RPS6KB1: variants seen among roughly 807,000 people sequenced by gnomAD.
RPS6KB1 encodes the protein ribosomal protein S6 kinase beta-1.
A neutral mutation model predicts 70.2 loss-of-function variants in RPS6KB1; 12 were observed. The observed-to-expected ratio is 0.17, with a 90% confidence interval of 0.11 to 0.28. The LOEUF is 0.28. Among genes scored for constraint, RPS6KB1 ranks in the 10% least tolerant of loss-of-function variants. RPS6KB1 has a pLI of 1.00. For synonymous variants in RPS6KB1, 175 were observed against 211.2 expected (o/e 0.83, Z 1.49); for missense variants, 270 against 646.6 (o/e 0.42, Z 6.32).
chr17:59,936,524 C>A lies in RPS6KB1; in HGVS notation c.1102C>A (p.Pro368Thr). Residue 368 changes from proline to threonine, a missense_variant, in exon 12 of 15, where the codon CCC (proline) becomes ACC (threonine). Around this residue, in one of 4 missense-constraint regions of RPS6KB1, gnomAD observed 133 missense variants for 314.7 expected, o/e 0.42. Transcript: ENST00000225577. ...EELLARKVEP[P>T]FKPLLQSEED... ...ACTTCTGGCTCGAAAGGTGGAGCCC[C>A]CCTTTAAACCTCTGTTGGTAAGTAT... 1 of 1,613,012 alleles carries A rather than the reference C, an allele frequency of 6.2e-7. No individual in the cohort carries two copies. The highest frequency in any genetic ancestry group is 8.5e-7 in the Non-Finnish European group (1 of 1,179,034).
intron 3 of RPS6KB1, among the ~76,000 whole-genome samples, chr17:59,913,490 T>A (rs894678285): frequency 6.6e-6 from 1 of 152,246 alleles, no homozygotes; most frequent in Non-Finnish European, 1.5e-5. Flanking sequence ...TCATCCTGAA[T>A]GTGCAACACA....
At chr17:59,929,816 A>G (rs1254487928) in intron 5 of RPS6KB1, among the ~76,000 whole-genome samples, 1 of 152,172 alleles carries the variant, frequency 6.6e-6, no homozygotes, top group Non-Finnish European at 1.5e-5. Flanking sequence ...ATCAATATAT[A>G]TATTTTTTAA....
In RPS6KB1 at chr17:59,948,023, T is replaced by C. The variant is rs1219180127; in HGVS notation, c.*1235T>C. Reference sequence around the variant, plus strand: ...CTACATTTTTTGATTGTAAAAATATTTGATGGCCTTTTGATGAATGTCTTC... The same window carrying C: ...CTACATTTTTTGATTGTAAAAATATCTGATGGCCTTTTGATGAATGTCTTC... On this transcript the variant is annotated 3_prime_UTR_variant, in exon 15 of 15. Coordinates refer to ENST00000225577, the MANE Select transcript of RPS6KB1 (RefSeq NM_003161.4). 6.3e-6 allele frequency: 1 copy of C among 158,570 alleles called. No homozygotes were observed. The highest frequency in any genetic ancestry group is 6.5e-5 in the Admixed American group (1 of 15,410). The allele number at this position is 158,570 out of a possible 1,614,324, so 9.8% of individuals were successfully genotyped here. A position where few individuals can be genotyped will look rare whatever the true frequency, so the allele number is the denominator to read the frequency against.
At chr17:59,944,335 T>A (rs1230866593) in intron 13 of RPS6KB1, among the ~76,000 whole-genome samples, 1 of 152,158 alleles carries the variant, frequency 6.6e-6, no homozygotes, top group African/African-American at 2.4e-5. Flanking sequence ...AATAGTAAGA[T>A]CCAAGAGAGA....
Position 59,897,900 on chromosome 17 carries a change from G to A in RPS6KB1, c.141+4575G>A, listed in dbSNP as rs568700561. On this transcript the variant is annotated intron_variant, in intron 1 of 14. Transcript: ENST00000225577. The stretch of plus-strand genomic sequence containing the variant: ...GAATCTCTTGAACCTGGGAGGTGGA[G>A]GTTGCAGTGAGCCAAGATCATACCA... Among the ~76,000 whole-genome samples, 9 of 151,650 alleles carry A rather than the reference G, an allele frequency of 5.9e-5. No individual in the cohort carries two copies. The South Asian group carries it at 1.0e-3, about 18-fold the overall frequency.
In RPS6KB1 at chr17:59,893,419, A is replaced by AG; in HGVS notation, c.141+100dup. Reference sequence around the variant, plus strand: ...GGTGTGTCCTAGAGCGTGGAGACCCAGGGGGGCTCCTGAGGAGCTGAGGGT... The same window carrying AG: ...GGTGTGTCCTAGAGCGTGGAGACCCAGGGGGGGCTCCTGAGGAGCTGAGGGT... On this transcript the variant is annotated intron_variant, in intron 1 of 14. Transcript: ENST00000225577. The surrounding 1 kb of genome is among the most constrained non-coding windows in gnomAD (Gnocchi z 4.1). 1.5e-6 allele frequency: 2 copies of AG among 1,300,418 alleles called. No homozygotes were observed. The highest frequency in any genetic ancestry group is 2.3e-5 in the Admixed American group (1 of 43,228). The allele number at this position is 1,300,418 out of a possible 1,614,324, so 80.6% of individuals were successfully genotyped here.
Position 59,893,132 on chromosome 17 carries a change from A to T in RPS6KB1, c.-53A>T. On this transcript the variant is annotated 5_prime_UTR_variant, in exon 1 of 15. Coordinates refer to ENST00000225577, the MANE Select transcript of RPS6KB1 (RefSeq NM_003161.4). The surrounding 1 kb of genome is among the most constrained non-coding windows in gnomAD (Gnocchi z 4.1). ...GCCTAGGCGCAGACGCACTGAGCCT[A>T]AGCAGCCGGTGATGGCGGCAGCGGC... is the stretch of plus-strand genomic sequence containing the variant. 6.3e-7 allele frequency: 1 copy of T among 1,588,618 alleles called. No homozygotes were observed. Among genetic ancestry groups the T allele is most frequent in the Non-Finnish European group, 8.6e-7 (1 of 1,168,118 alleles).
chr17:59,916,766 C>T (rs550495934), intron 4 of RPS6KB1, among the ~76,000 whole-genome samples: 203 of 152,190 alleles, frequency 1.3e-3, no homozygotes, highest in African/African-American at 4.6e-3. Context: ...TTCATTTTTT[C>T]CCTTTTTCTT....
rs1333528061 is a variant in RPS6KB1 at position 59,902,067 on chromosome 17, T to C, written c.142-8495T>C. Among the ~76,000 whole-genome samples the C allele has an allele frequency of 2.7e-5, 4 of 148,036 alleles. No homozygotes were observed. In the South Asian group the frequency reaches 8.5e-4, roughly 32 times the overall value. On this transcript the variant is annotated intron_variant, in intron 1 of 14. Transcript: ENST00000225577. ...GACATTCCATATAAATGGAATCATA[T>C]AGTGTATGACCTTTTATATTTGGTG...
rs1278779632 is a variant in RPS6KB1 at position 59,946,637 on chromosome 17, T to C, written c.1427T>C (p.Met476Thr). Reference protein sequence around the residue: ...ANPQTPVEYPMETSGIEQMDV... With the variant: ...ANPQTPVEYPTETSGIEQMDV... ...CCTCAGACACCTGTGGAATACCCAATGGAAACAAGTGGCATAGAGCAGATG... is the reference window on the plus strand; with the variant it reads ...CCTCAGACACCTGTGGAATACCCAACGGAAACAAGTGGCATAGAGCAGATG... The change falls in exon 15 of 15, where the codon ATG becomes ACG. Residue 476 changes from methionine to threonine, a missense_variant. Met to Thr is a moderately conservative substitution (Grantham distance 81). Transcript: ENST00000225577. The surrounding 1 kb of genome is among the most constrained non-coding windows in gnomAD (Gnocchi z 4.2). The C allele has an allele frequency of 6.2e-7, 1 of 1,613,840 alleles. No individual in the cohort carries two copies. Among genetic ancestry groups the C allele is most frequent in the Non-Finnish European group, 8.5e-7 (1 of 1,179,972 alleles).
chr17:59,914,807 C>A, intron 4 of RPS6KB1, 104 bp downstream of exon 4: 2 of 954,562 alleles, frequency 2.1e-6, no homozygotes, highest in Non-Finnish European at 3.2e-6. Context: ...ATTGTTGTAA[C>A]ATTTTGGCCT....
intron 5 of RPS6KB1, among the ~76,000 whole-genome samples, chr17:59,926,994 A>G (rs930326516): frequency 3.3e-5 from 5 of 152,146 alleles, no homozygotes; most frequent in African/African-American, 1.2e-4. Context: ...TGGGGTATGT[A>G]GCTTATAATG....
In RPS6KB1 at chr17:59,893,736, T is replaced by C; in HGVS notation, c.141+411T>C. The C allele has an allele frequency of 1.0e-6, 1 of 985,986 alleles. No homozygotes were observed. The highest frequency in any genetic ancestry group is 1.2e-6 in the Non-Finnish European group (1 of 826,110). The allele number at this position is 985,986 out of a possible 1,614,324, so 61.1% of individuals were successfully genotyped here. On this transcript the variant is annotated intron_variant, in intron 1 of 14. Coordinates refer to ENST00000225577, the MANE Select transcript of RPS6KB1 (RefSeq NM_003161.4). This position sits in a 1 kb window ranked among gnomAD's most constrained non-coding sequence, Gnocchi z 4.1. ...TTCCCTTCGAGTCTAGAATTTCAAGTATTGAATCTTCAGACCTCCCACAAC... is the reference window on the plus strand; with the variant it reads ...TTCCCTTCGAGTCTAGAATTTCAAGCATTGAATCTTCAGACCTCCCACAAC...
chr17:59,919,091 T>A (rs2043125031), intron 4 of RPS6KB1, among the ~76,000 whole-genome samples: 1 of 152,150 alleles, frequency 6.6e-6, no homozygotes, highest in Non-Finnish European at 1.5e-5. Context: ...TAGGCCTCAA[T>A]AACCCATCCA....
intron 1 of RPS6KB1, among the ~76,000 whole-genome samples, chr17:59,904,980 C>T (rs913397164): frequency 1.7e-4 from 26 of 151,872 alleles, no homozygotes; most frequent in African/African-American, 5.6e-4. Context: ...CAGGCCTGAG[C>T]GACTGCGCCT....
chr17:59,899,246 G>C (rs951187406), intron 1 of RPS6KB1, among the ~76,000 whole-genome samples: 11 of 151,806 alleles, frequency 7.2e-5, no homozygotes, highest in African/African-American at 2.7e-4. Context: ...CTGTGAAAGA[G>C]AGTTGTCAGT....
At chr17:59,897,477 T>A (rs1324313565) in intron 1 of RPS6KB1, among the ~76,000 whole-genome samples, 1 of 152,166 alleles carries the variant, frequency 6.6e-6, no homozygotes, top group African/African-American at 2.4e-5. Flanking sequence ...TTTACAACTG[T>A]AGTATCATAG....
chr17:59,931,534 G>GT, intron 6 of RPS6KB1, 88 bp from the exon 7 acceptor site: 1 of 1,027,946 alleles, frequency 9.7e-7, no homozygotes, highest in Non-Finnish European at 1.5e-6. Flanking sequence ...GTGCATGTCT[G>GT]TTTCTTTCAA....
chr17:59,900,973 C>G (rs568113588), intron 1 of RPS6KB1, among the ~76,000 whole-genome samples: 75 of 151,496 alleles, frequency 5.0e-4, no homozygotes, highest in Non-Finnish European at 6.8e-4. Context: ...ACTAGCCTGG[C>G]CAACATGGTA....
Sources: gnomAD v4.1 joint callset for allele counts (sites outside exome capture counted in the v4.1 genomes callset) on GRCh38, gnomAD v4.1.1 for gene constraint, gnomAD v4.1.1 regional missense constraint, Gnocchi (gnomAD v3.1) non-coding constraint, MANE v1.5 for transcripts, NCBI Gene and HGNC (gene_info 2026-07-23, HGNC 2026-07-21) for gene names.